CACNA2D3: variants seen among roughly 807,000 people sequenced by gnomAD.
The protein encoded by CACNA2D3 is calcium voltage-gated channel auxiliary subunit alpha2delta 3, also known as voltage-dependent calcium channel subunit alpha-2/delta-3.
CACNA2D3 carries 60 observed loss-of-function variants against 160.6 expected under a neutral mutation model. The ratio of observed to expected loss-of-function variants is 0.37; its 90% confidence interval spans 0.30 to 0.46. CACNA2D3 has a LOEUF of 0.46. Ranked by LOEUF, CACNA2D3 falls within the 20% of genes least tolerant of loss-of-function variation. The pLI is 1.00. For synonymous variants in CACNA2D3, 558 were observed against 492.9 expected (o/e 1.13, Z -1.75); for missense variants, 1,205 against 1,365.0 (o/e 0.88, Z 1.85).
At chr3:55,016,142 C>A (rs1014985106) in intron 34 of CACNA2D3, among the ~76,000 whole-genome samples, 19 of 152,150 alleles carry the variant, frequency 1.2e-4, no homozygotes, top group African/African-American at 4.3e-4. Flanking sequence ...TGAAACCTGG[C>A]CTTTCTGGAG....
intron 11 of CACNA2D3, among the ~76,000 whole-genome samples, chr3:54,652,624 A>G (rs1699792999): frequency 6.6e-6 from 1 of 151,946 alleles, no homozygotes; most frequent in Non-Finnish European, 1.5e-5. Flanking sequence ...GATGTGTATG[A>G]GGAGCAGGAG....
chr3:55,059,790 G>A (rs912058809), intron 35 of CACNA2D3, among the ~76,000 whole-genome samples: 1 of 152,040 alleles, frequency 6.6e-6, no homozygotes, highest in Non-Finnish European at 1.5e-5. Flanking sequence ...ATGGATTGGG[G>A]GGTGGAAAGG....
At chr3:54,200,695 A>G (rs4485754) in intron 2 of CACNA2D3, among the ~76,000 whole-genome samples, 36,975 of 152,104 alleles carry the variant, frequency 0.24, 4,837 homozygotes, top group East Asian at 0.39. Context: ...TTCCTGCTGT[A>G]ATTGCCAGAG....
At chr3:54,178,763 A>G (rs1163368708) in intron 2 of CACNA2D3, among the ~76,000 whole-genome samples, 1 of 152,214 alleles carries the variant, frequency 6.6e-6, no homozygotes, top group Non-Finnish European at 1.5e-5. Context: ...TTTTAAAATA[A>G]ATAAGGATGA....
Position 54,478,660 on chromosome 3 carries a change from G to GTGTATGTATATATA in CACNA2D3, c.382-24831_382-24830insGTATGTATATATAT. On this transcript the variant is annotated intron_variant, in intron 4 of 37. Transcript: ENST00000474759. ...AAAATATATATATAAATATGTGTGT[G>GTGTATGTATATATA]TATATATATATATATATATTGCTTG... is the stretch of plus-strand genomic sequence containing the variant. Among the ~76,000 whole-genome samples, 32 of 36,376 alleles carry GTGTATGTATATATA rather than the reference G, an allele frequency of 8.8e-4. 2 individuals are homozygous for GTGTATGTATATATA. Among genetic ancestry groups the GTGTATGTATATATA allele is most frequent in the African/African-American group, 2.2e-3 (30 of 13,854 alleles). The allele number at this position is 36,376 out of a possible 152,430, so 23.9% of individuals were successfully genotyped here.
intron 11 of CACNA2D3, among the ~76,000 whole-genome samples, chr3:54,682,949 AT>A (rs2106917472): frequency 6.6e-6 from 1 of 152,326 alleles, no homozygotes; most frequent in Admixed American, 6.5e-5. Flanking sequence ...AGTTGATTAA[AT>A]TTTATGACAA....
chr3:54,729,661 A>G (rs1044271233), intron 11 of CACNA2D3, among the ~76,000 whole-genome samples: 4 of 152,228 alleles, frequency 2.6e-5, no homozygotes, highest in Admixed American at 2.0e-4. Flanking sequence ...CAGGGTATGA[A>G]GTTCTCTGAA....
intron 4 of CACNA2D3, among the ~76,000 whole-genome samples, chr3:54,391,566 A>C (rs1699282941): frequency 6.7e-6 from 1 of 149,620 alleles, no homozygotes; most frequent in South Asian, 2.1e-4. Context: ...ACCGGAGTGC[A>C]GTGGTGCGAT....
At chr3:54,397,567 G>A (rs1267788360) in intron 4 of CACNA2D3, among the ~76,000 whole-genome samples, 14 of 142,726 alleles carry the variant, frequency 9.8e-5, no homozygotes, top group East Asian at 2.2e-4. Context: ...TCTTCATTTC[G>A]TTATGTACCC....
At chr3:54,489,832 A>G (rs947797870) in intron 4 of CACNA2D3, among the ~76,000 whole-genome samples, 4 of 151,966 alleles carry the variant, frequency 2.6e-5, no homozygotes, top group Admixed American at 6.6e-5. Context: ...TTCATTACCT[A>G]TTTTTTTTAA....
chr3:54,475,210 C>T (rs1043404957), intron 4 of CACNA2D3, among the ~76,000 whole-genome samples: 4 of 152,160 alleles, frequency 2.6e-5, no homozygotes, highest in African/African-American at 9.7e-5. Flanking sequence ...CTGGTGAATT[C>T]TCTACCACCA....
At position 54,885,476 on chromosome 3, in the gene CACNA2D3, G is replaced by C. The variant is rs1362487470; in HGVS notation, c.1959-13G>C. 6.2e-7 allele frequency: 1 copy of C among 1,611,356 alleles called. No homozygotes were observed. Among genetic ancestry groups the C allele is most frequent in the Admixed American group, 1.7e-5 (1 of 59,976 alleles). On this transcript the variant is annotated splice_polypyrimidine_tract_variant and intron_variant, in intron 22 of 37. Transcript: ENST00000474759. ...TTGACATGCTCTTGTTTTGGGCCAT[G>C]TCATGTTCTTAGGTCCTACTGCAAC...
At chr3:54,170,649 C>G (rs1385044072) in intron 2 of CACNA2D3, among the ~76,000 whole-genome samples, 3 of 152,246 alleles carry the variant, frequency 2.0e-5, no homozygotes, top group Admixed American at 2.0e-4. Context: ...TCCTTCCTTC[C>G]TCCTTTCAGT....
At chr3:54,502,816 A>C (rs1299126122) in intron 4 of CACNA2D3, among the ~76,000 whole-genome samples, 1 of 152,244 alleles carries the variant, frequency 6.6e-6, no homozygotes, top group African/African-American at 2.4e-5. Context: ...CATGAAAAGC[A>C]CTTAGAGTGA....
intron 4 of CACNA2D3, among the ~76,000 whole-genome samples, chr3:54,394,536 T>C (rs1342053727): frequency 7.8e-6 from 1 of 128,806 alleles, no homozygotes; most frequent in Non-Finnish European, 1.6e-5. Flanking sequence ...GATCTCATTG[T>C]TCAATTCCCA....
intron 25 of CACNA2D3, among the ~76,000 whole-genome samples, chr3:54,892,619 C>T (rs775168950): frequency 2.0e-5 from 3 of 152,050 alleles, no homozygotes; most frequent in African/African-American, 4.8e-5. Context: ...CGTTTTTCCC[C>T]CAGACAATTG....
chr3:54,622,585 T>G (rs1455864696), intron 9 of CACNA2D3, among the ~76,000 whole-genome samples: 1 of 72,420 alleles, frequency 1.4e-5, no homozygotes, highest in Non-Finnish European at 2.4e-5. Flanking sequence ...AGTTTTTGGT[T>G]TTTTTTTTTT....
intron 2 of CACNA2D3, among the ~76,000 whole-genome samples, chr3:54,171,136 C>CTTTTTTTTTGTTTTTTTTTT (rs1700558344): frequency 1.6e-5 from 1 of 62,542 alleles, no homozygotes; most frequent in Non-Finnish European, 2.9e-5. Context: ...AAGATGATGA[C>CTTTTTTTTTGTTTTTTTTTT]TTTTTTTTTT....
intron 4 of CACNA2D3, among the ~76,000 whole-genome samples, chr3:54,474,879 C>T (rs1437668858): frequency 6.6e-6 from 1 of 152,142 alleles, no homozygotes; most frequent in African/African-American, 2.4e-5. Flanking sequence ...TTGGTTGAAG[C>T]TTTGAGATAC....
Sources: gnomAD v4.1 joint callset for allele counts (sites outside exome capture counted in the v4.1 genomes callset) on GRCh38, gnomAD v4.1.1 for gene constraint, MANE v1.5 for transcripts, NCBI Gene and HGNC (gene_info 2026-07-23, HGNC 2026-07-21) for gene names.